The following OR6B3 variants were observed in gnomAD, a reference collection of about 807,000 sequenced individuals.
The protein encoded by OR6B3 is olfactory receptor family 6 subfamily B member 3.
For synonymous variants in OR6B3, 148 were observed against 187.8 expected, an observed-to-expected ratio of 0.79 and a Z score of 1.73; for missense variants, 315 against 427.4, an observed-to-expected ratio of 0.74 and a Z score of 2.32.
upstream of OR6B3, among the ~76,000 whole-genome samples, chr2:240,052,022 A>G (rs1698260368): frequency 6.6e-6 from 1 of 152,234 alleles, no homozygotes; most frequent in African/African-American, 2.4e-5. This position sits in a 1 kb window ranked among gnomAD's most constrained non-coding sequence, Gnocchi z 4.5. Flanking sequence ...AACAGAATAA[A>G]GAAGTAGACA....
At chr2:240,045,394 G>T (rs373710002) in exon 2 of OR6B3, 3 of 1,614,128 alleles carry the variant, frequency 1.9e-6, no homozygotes, top group South Asian at 1.1e-5. Context: ...GAGGGGATGC[G>T]CAGGACAGCC....
chr2:240,046,516 G>A (rs1466666344), intron 1 of OR6B3, among the ~76,000 whole-genome samples: 2 of 152,100 alleles, frequency 1.3e-5, no homozygotes. Context: ...TTCTAAATTG[G>A]TAGATATATG....
chr2:240,045,234 A>C (rs751097781), exon 2 of OR6B3: 2 of 1,614,220 alleles, frequency 1.2e-6, no homozygotes. Context: ...GGGGGTGATA[A>C]CTGTGTACAA....
At chr2:240,045,414 T>C (rs1337819007) in exon 2 of OR6B3, 1 of 1,614,116 alleles carries the variant, frequency 6.2e-7, no homozygotes, top group East Asian at 2.2e-5. Context: ...CAGGGTGATG[T>C]GCGCATATGA....
At chr2:240,048,678 A>T (rs541159584), upstream of OR6B3, among the ~76,000 whole-genome samples, 2 of 152,322 alleles carry the variant, frequency 1.3e-5, no homozygotes, top group African/African-American at 4.8e-5. Flanking sequence ...AAGGAGTGAC[A>T]GGGGTCTGCC....
rs916249101 is a variant in OR6B3, at chr2:240,046,131, G to A, written c.-25-34C>T. ...CATCAAAGAGCAAGAGGAAAGGGCTGCAGGGAAGCTGGGGCAGAGGGAGAG... is the reference window on the plus strand; with the variant it reads ...CATCAAAGAGCAAGAGGAAAGGGCTACAGGGAAGCTGGGGCAGAGGGAGAG... On this transcript the variant is annotated intron_variant, in intron 1 of 1. Transcript: ENST00000641019. The A allele has an allele frequency of 9.0e-6, 13 of 1,436,874 alleles. No individual in the cohort carries two copies. In the East Asian group the frequency reaches 1.6e-4, roughly 18 times the overall value. The allele number at this position is 1,436,874 out of a possible 1,614,324, so 89.0% of individuals were successfully genotyped here.
the OR6B3 span, among the ~76,000 whole-genome samples, chr2:240,052,822 T>C: frequency 4.2e-3 from 636 of 152,196 alleles, 3 homozygotes; most frequent in African/African-American, 0.01. The surrounding 1 kb of genome is among the most constrained non-coding windows in gnomAD (Gnocchi z 4.5). Flanking sequence ...TGACTTTTCT[T>C]TTTTTTTGAG....
upstream of OR6B3, among the ~76,000 whole-genome samples, chr2:240,048,335 G>A (rs191100036): frequency 1.2e-3 from 186 of 152,188 alleles, 2 homozygotes; most frequent in Middle Eastern, 0.017. Context: ...CCCCAGCCCC[G>A]TCCCCACTCT....
upstream of OR6B3, among the ~76,000 whole-genome samples, chr2:240,050,721 CAAAAAAA>C (rs61309204): frequency 7.4e-3 from 422 of 57,360 alleles, 3 homozygotes; most frequent in African/African-American, 0.018. Flanking sequence ...CTCAAAGAGA[CAAAAAAA>C]AAAAAAAAAG....
At chr2:240,045,072 C>T (rs1331176947), downstream of OR6B3, 1 of 1,559,434 alleles carries the variant, frequency 6.4e-7, no homozygotes, top group East Asian at 2.2e-5. Flanking sequence ...AGTCAAATGG[C>T]CTCCTCAGAG....
the OR6B3 span, among the ~76,000 whole-genome samples, chr2:240,052,797 A>G: frequency 6.6e-6 from 1 of 152,186 alleles, no homozygotes; most frequent in Non-Finnish European, 1.5e-5. The surrounding 1 kb of genome is among the most constrained non-coding windows in gnomAD (Gnocchi z 4.5). Context: ...GAATAATCCA[A>G]TTAAAGATTA....
At chr2:240,044,585 A>G (rs1444948308), downstream of OR6B3, among the ~76,000 whole-genome samples, 2 of 152,238 alleles carry the variant, frequency 1.3e-5, no homozygotes, top group Non-Finnish European at 2.9e-5. Context: ...ATAATAAAAC[A>G]ATTTTTATTT....
upstream of OR6B3, among the ~76,000 whole-genome samples, chr2:240,051,695 G>A (rs544451091): frequency 4.6e-5 from 7 of 152,202 alleles, no homozygotes; most frequent in South Asian, 4.1e-4. Context: ...AAGAGCTCAC[G>A]TGGCACTAGC....
exon 2 of OR6B3, chr2:240,045,812 G>T: frequency 6.3e-7 from 1 of 1,596,320 alleles, no homozygotes; most frequent in South Asian, 1.1e-5. Flanking sequence ...GTTTCTGCTG[G>T]AGGAGGAAGC....
exon 2 of OR6B3, chr2:240,045,239 G>A: frequency 6.2e-7 from 1 of 1,614,202 alleles, no homozygotes; most frequent in Non-Finnish European, 8.5e-7. Context: ...TGATAACTGT[G>A]TACAAAACAG....
upstream of OR6B3, among the ~76,000 whole-genome samples, chr2:240,048,364 C>T (rs372785534): frequency 3.4e-4 from 52 of 152,244 alleles, 2 homozygotes; most frequent in South Asian, 8.7e-3. Flanking sequence ...CTGCTGTGGC[C>T]GTCCTCTGGG....
the OR6B3 span, among the ~76,000 whole-genome samples, chr2:240,052,283 A>G: frequency 6.6e-6 from 1 of 152,218 alleles, no homozygotes; most frequent in Non-Finnish European, 1.5e-5. The surrounding 1 kb of genome is among the most constrained non-coding windows in gnomAD (Gnocchi z 4.5). Context: ...GGATGAAATA[A>G]TTCTTGAAAT....
At chr2:240,051,408 A>G (rs529160421), upstream of OR6B3, among the ~76,000 whole-genome samples, 1 of 152,352 alleles carries the variant, frequency 6.6e-6, no homozygotes, top group African/African-American at 2.4e-5. Flanking sequence ...CAACAGCATC[A>G]TGATGTTAAA....
At chr2:240,052,451 C>T in the OR6B3 span, among the ~76,000 whole-genome samples, 1 of 152,058 alleles carries the variant, frequency 6.6e-6, no homozygotes, top group Non-Finnish European at 1.5e-5. The surrounding 1 kb of genome is among the most constrained non-coding windows in gnomAD (Gnocchi z 4.5). Context: ...ACGAGCACCA[C>T]CATAAAGTCA....
Sources: allele counts gnomAD v4.1 joint callset (sites outside exome capture counted in the v4.1 genomes callset), GRCh38; gene constraint gnomAD v4.1.1; non-coding constraint Gnocchi (gnomAD v3.1); transcripts MANE v1.5; gene names NCBI Gene and HGNC (gene_info 2026-07-23, HGNC 2026-07-21).